Variants in HTR1F observed in about 807,000 individuals in gnomAD.
HTR1F encodes the protein 5-hydroxytryptamine (serotonin) receptor 1F, G protein-coupled.
A neutral mutation model predicts 24.0 loss-of-function variants in HTR1F; 17 were observed. The ratio of observed to expected loss-of-function variants is 0.71; its 90% CI spans 0.48 to 1.06. The LOEUF (loss-of-function observed/expected upper bound fraction) is 1.06, where lower values mean the gene tolerates loss of function less well. HTR1F is among the 50% of genes least tolerant of loss of function. The probability of loss-of-function intolerance (pLI) is 0.00; values close to 1 mark genes in which losing one functional copy is unlikely to be tolerated. For missense variants in HTR1F, 391 were observed against 427.8 expected (o/e 0.91, Z 0.76); for synonymous variants, 186 against 156.8 (o/e 1.19, Z -1.39).
At chr3:87,850,100 A>G (rs1256983104) in intron 2 of HTR1F, among the ~76,000 whole-genome samples, 1 of 151,986 alleles carries the variant, frequency 6.6e-6, no homozygotes, top group African/African-American at 2.4e-5. Context: ...CAGCCATCCC[A>G]TTACTGGGTA....
At chr3:87,805,254 G>A (rs1390702148) in intron 1 of HTR1F, among the ~76,000 whole-genome samples, 1 of 150,328 alleles carries the variant, frequency 6.7e-6, no homozygotes, top group Non-Finnish European at 1.5e-5. Flanking sequence ...CCACCTATTT[G>A]TTCCTCCTTA....
At chr3:87,884,003 G>C (rs1171308062) in intron 2 of HTR1F, among the ~76,000 whole-genome samples, 2 of 152,004 alleles carry the variant, frequency 1.3e-5, no homozygotes, top group East Asian at 3.9e-4. Flanking sequence ...AAACCACAAA[G>C]GTACTCCTCA....
Position 87,848,285 on chromosome 3 carries a change from C to T in HTR1F, c.-43+26161C>T, listed in dbSNP as rs567524783. 2.2e-4 allele frequency among the ~76,000 whole-genome samples: 34 copies of T among 151,930 alleles called. No individual in the cohort carries two copies. In the South Asian group the frequency reaches 6.8e-3, roughly 31 times the overall value. On this transcript the variant is annotated intron_variant, in intron 2 of 2. Transcript: ENST00000319595. ...AGATTACTGATGCTGAGCATTTTTT[C>T]ATATACCTGCTGGCTGTTTGTATGT...
At chr3:87,863,894 A>G (rs974763738) in intron 2 of HTR1F, among the ~76,000 whole-genome samples, 3 of 152,230 alleles carry the variant, frequency 2.0e-5, no homozygotes, top group Non-Finnish European at 4.4e-5. Flanking sequence ...GGCTAAAGCC[A>G]ATGCACTGGC....
chr3:87,797,731 C>T (rs1485900988), intron 1 of HTR1F, among the ~76,000 whole-genome samples: 1 of 152,020 alleles, frequency 6.6e-6, no homozygotes, highest in African/African-American at 2.4e-5. Context: ...CTATGTACCA[C>T]ACAACTCTGA....
chr3:87,820,453 G>C (rs1348282389), intron 1 of HTR1F, among the ~76,000 whole-genome samples: 4 of 152,028 alleles, frequency 2.6e-5, no homozygotes, highest in African/African-American at 4.8e-5. Context: ...TGGGATTACA[G>C]GCGTGAGCCA....
At chr3:87,930,901 A>G (rs1704247739) in intron 2 of HTR1F, among the ~76,000 whole-genome samples, 1 of 152,132 alleles carries the variant, frequency 6.6e-6, no homozygotes, top group East Asian at 1.9e-4. Context: ...ACAGAATTAT[A>G]TTACACACTT....
intron 1 of HTR1F, among the ~76,000 whole-genome samples, chr3:87,807,279 C>T (rs571050394): frequency 2.6e-5 from 4 of 151,800 alleles, no homozygotes; most frequent in East Asian, 3.9e-4. Flanking sequence ...TCTTTCCCTT[C>T]GTGTTGTTTT....
chr3:87,854,585 T>G (rs1705158828), intron 2 of HTR1F, among the ~76,000 whole-genome samples: 1 of 152,060 alleles, frequency 6.6e-6, no homozygotes, highest in African/African-American at 2.4e-5. Flanking sequence ...TAATGCCAGT[T>G]TTGATATCCT....
At chr3:87,878,357 G>A (rs999365127) in intron 2 of HTR1F, among the ~76,000 whole-genome samples, 3 of 151,768 alleles carry the variant, frequency 2.0e-5, no homozygotes, top group African/African-American at 7.3e-5. Context: ...GTAGACCCAG[G>A]AAGTAAATGC....
intron 2 of HTR1F, among the ~76,000 whole-genome samples, chr3:87,904,652 C>T (rs1175349454): frequency 5.9e-5 from 9 of 151,972 alleles, no homozygotes; most frequent in African/African-American, 2.2e-4. Context: ...TACAATACTA[C>T]ACAAGAAGTA....
chr3:87,956,699 T>C (rs1704951328), intron 2 of HTR1F, among the ~76,000 whole-genome samples: 1 of 151,414 alleles, frequency 6.6e-6, no homozygotes. Flanking sequence ...GGTTTGTATA[T>C]CTTTGAAAAA....
At chr3:87,885,757 C>A (rs1705924707) in intron 2 of HTR1F, among the ~76,000 whole-genome samples, 1 of 152,100 alleles carries the variant, frequency 6.6e-6, no homozygotes, top group Non-Finnish European at 1.5e-5. Flanking sequence ...GGATAAATTC[C>A]TGGACACATA....
chr3:87,980,385 T>A (rs1705514330), intron 2 of HTR1F, among the ~76,000 whole-genome samples: 1 of 152,182 alleles, frequency 6.6e-6, no homozygotes, highest in South Asian at 2.1e-4. Flanking sequence ...GGGTAGCTCC[T>A]ATCCATGGGC....
chr3:87,865,370 A>G (rs765834593), intron 2 of HTR1F, among the ~76,000 whole-genome samples: 18 of 152,048 alleles, frequency 1.2e-4, no homozygotes, highest in Non-Finnish European at 1.6e-4. Context: ...CACTTGATGA[A>G]TTTTTCTCAA....
chr3:87,828,628 G>T (rs1197699462), intron 2 of HTR1F, among the ~76,000 whole-genome samples: 1 of 152,170 alleles, frequency 6.6e-6, no homozygotes, highest in Admixed American at 6.5e-5. Flanking sequence ...CAGAAAGAGT[G>T]AAATCAGAAA....
intron 2 of HTR1F, among the ~76,000 whole-genome samples, chr3:87,976,519 A>G: frequency 6.6e-6 from 1 of 152,308 alleles, no homozygotes. Context: ...TGAAGTTGTT[A>G]AATCAAATAT....
At chr3:87,943,203 T>A (rs547213495) in intron 2 of HTR1F, among the ~76,000 whole-genome samples, 3 of 152,284 alleles carry the variant, frequency 2.0e-5, no homozygotes, top group Admixed American at 2.0e-4. Flanking sequence ...TGTCATCCTA[T>A]CATTGACCTG....
At chr3:87,981,926 A>T (rs1218178300) in intron 2 of HTR1F, among the ~76,000 whole-genome samples, 1 of 139,392 alleles carries the variant, frequency 7.2e-6, no homozygotes, top group Non-Finnish European at 1.6e-5. Flanking sequence ...TTAAAATAAG[A>T]ATGCCTTCTT....
Sources: allele counts gnomAD v4.1 joint callset (sites outside exome capture counted in the v4.1 genomes callset), GRCh38; gene constraint gnomAD v4.1.1; transcripts MANE v1.5; gene names NCBI Gene and HGNC (gene_info 2026-07-23, HGNC 2026-07-21).